Variants in RAD51AP1 observed in about 807,000 individuals in gnomAD.
RAD51AP1 encodes the protein RAD51 associated protein 1, also known as RAD51-associated protein 1.
In RAD51AP1, 14 loss-of-function variants were observed where a neutral mutation model predicts 34.3. The observed-to-expected ratio is 0.41, with a 90% CI of 0.27 to 0.64. RAD51AP1 has a LOEUF of 0.64. Ranked by LOEUF, RAD51AP1 falls within the 30% of genes least tolerant of loss-of-function variation. RAD51AP1 has a pLI of 0.33. For missense variants in RAD51AP1, 348 were observed against 386.9 expected, an observed-to-expected ratio of 0.90 and a Z score of 0.84; for synonymous variants, 114 against 129.8, an observed-to-expected ratio of 0.88 and a Z score of 0.83.
chr12:4,548,140 C>T lies in RAD51AP1; in HGVS notation c.368C>T (p.Pro123Leu). ...SSKIETMNKS[P>L]HISNCSVASD... ...AAAATAGAAACAATGAATAAGTCTCCTCATATCTCTAATTGCAGTGTAGCC... is the reference window on the plus strand; with the variant it reads ...AAAATAGAAACAATGAATAAGTCTCTTCATATCTCTAATTGCAGTGTAGCC... The change falls in exon 5 of 9, where the codon CCT (proline) becomes CTT (leucine). Residue 123 changes from proline (P) to leucine (L), a missense_variant. Transcript: ENST00000352618. 4 of 1,601,460 alleles carry T rather than the reference C, an allele frequency of 2.5e-6. No homozygotes were observed. Among genetic ancestry groups the T allele is most frequent in the Non-Finnish European group, 3.4e-6 (4 of 1,176,804 alleles).
intron 7 of RAD51AP1, among the ~76,000 whole-genome samples, chr12:4,555,773 A>G (rs959724958): frequency 1.3e-5 from 2 of 152,180 alleles, no homozygotes; most frequent in African/African-American, 4.8e-5. Context: ...TTTAAAACAC[A>G]TACCCCCAGA....
chr12:4,548,588 G>A (rs536476323), intron 5 of RAD51AP1, 99 bp from the exon 6 acceptor site: 14 of 1,385,974 alleles, frequency 1.0e-5, no homozygotes, highest in Non-Finnish European at 1.4e-5. Flanking sequence ...ATGAACCTGG[G>A]CAAATAAAAA....
intron 8 of RAD51AP1, among the ~76,000 whole-genome samples, chr12:4,557,589 A>G (rs1944591408): frequency 6.6e-6 from 1 of 152,242 alleles, no homozygotes; most frequent in Admixed American, 6.5e-5. Flanking sequence ...AAAAATAATT[A>G]ATGCTTCCCC....
rs1376625873 is a variant in RAD51AP1 at position 4,559,805 on chromosome 12, G to A, written c.*812G>A. On this transcript the variant is annotated 3_prime_UTR_variant, in exon 9 of 9. Transcript: ENST00000352618. ...TACTTAGTCATCCCTATTATGATAT[G>A]AGATAGTACAGCTTTTCAGGAAGCT... 5.9e-5 allele frequency: 9 copies of A among 152,142 alleles called. No homozygotes were observed. The highest frequency in any genetic ancestry group is 8.8e-5 in the Non-Finnish European group (6 of 68,016). 9.4% of individuals were successfully genotyped at this position (152,142 alleles called of 1,614,324 possible). A position where few individuals can be genotyped will look rare whatever the true frequency, so the allele number is the denominator to read the frequency against.
At chr12:4,539,444 A>T (rs71459907) in intron 1 of RAD51AP1, among the ~76,000 whole-genome samples, 1 of 152,066 alleles carries the variant, frequency 6.6e-6, no homozygotes, top group Non-Finnish European at 1.5e-5. Context: ...CGATTCTTCT[A>T]TTTACACAGT....
chr12:4,551,178 G>C (rs1489114000), intron 6 of RAD51AP1, among the ~76,000 whole-genome samples: 2 of 152,070 alleles, frequency 1.3e-5, no homozygotes, highest in East Asian at 1.9e-4. Flanking sequence ...CAAGCCTTGA[G>C]AGCAGAATTC....
At chr12:4,556,593 C>G in intron 8 of RAD51AP1, 91 bp downstream of exon 8, 1 of 1,423,824 alleles carries the variant, frequency 7.0e-7, no homozygotes, top group Non-Finnish European at 9.6e-7. Context: ...GTGAGCATTT[C>G]CCCATATTAT....
chr12:4,556,301 T>A, intron 7 of RAD51AP1, 52 bp from the exon 8 acceptor site: 4 of 1,360,132 alleles, frequency 2.9e-6, no homozygotes, highest in Non-Finnish European at 4.2e-6. Flanking sequence ...TATGCTAGAC[T>A]TACTTTTTCT....
chr12:4,554,832 T>C (rs890843780), intron 7 of RAD51AP1, among the ~76,000 whole-genome samples: 1 of 152,224 alleles, frequency 6.6e-6, no homozygotes, highest in Admixed American at 6.5e-5. Flanking sequence ...TGTTGAGAGC[T>C]ATGCTGTCCA....
intron 2 of RAD51AP1, among the ~76,000 whole-genome samples, chr12:4,543,038 G>T (rs1591770230): frequency 6.6e-6 from 1 of 152,068 alleles, no homozygotes; most frequent in African/African-American, 2.4e-5. Context: ...CATGGTTAAT[G>T]TACTAGGAAT....
In RAD51AP1 at chr12:4,559,576, A is replaced by G. The variant is rs913732495; in HGVS notation, c.*583A>G. On this transcript the variant is annotated 3_prime_UTR_variant, in exon 9 of 9. Transcript: ENST00000352618. ...AGAAAATAGTATTTAAAGACATTTT[A>G]TGAAATCTTCATTGTCAAAACCTTT... 2.6e-5 allele frequency: 4 copies of G among 152,230 alleles called. No individual in the cohort carries two copies. The highest frequency in any genetic ancestry group is 5.9e-5 in the Non-Finnish European group (4 of 68,042). 9.4% of individuals were successfully genotyped at this position (152,230 alleles called of 1,614,324 possible).
chr12:4,540,094 T>C (rs1002491619), intron 1 of RAD51AP1, among the ~76,000 whole-genome samples: 1 of 152,098 alleles, frequency 6.6e-6, no homozygotes, highest in African/African-American at 2.4e-5. Flanking sequence ...CAGAACTTGC[T>C]GATGAAGTAG....
intron 3 of RAD51AP1, among the ~76,000 whole-genome samples, chr12:4,545,616 C>G (rs1944500397): frequency 6.6e-6 from 1 of 152,204 alleles, no homozygotes; most frequent in Non-Finnish European, 1.5e-5. Context: ...TAAGGTACAT[C>G]TCAGTGCTTC....
rs1281319334 is a variant in RAD51AP1 at position 4,556,400 on chromosome 12, T to A, written c.769T>A (p.Ser257Thr). 6.2e-7 allele frequency: 1 copy of A among 1,613,634 alleles called. No individual in the cohort carries two copies. The highest frequency in any genetic ancestry group is 1.3e-5 in the African/African-American group (1 of 74,908). The change falls in exon 8 of 9, where the codon TCC becomes ACC. Residue 257 changes from serine (S) to threonine (T), a missense_variant. Transcript: ENST00000352618. ...APAAVKSESQ[S>T]LPKKVSLSSD... ...AGCTGCCGTCAAATCAGAATCTCAG[T>A]CCTTGCCAAAAAAGGTTTCTCTGTC...
chr12:4,539,159 C>G (rs1439967419), intron 1 of RAD51AP1, among the ~76,000 whole-genome samples: 1 of 152,178 alleles, frequency 6.6e-6, no homozygotes, highest in Non-Finnish European at 1.5e-5. Context: ...CTTTGCCTCC[C>G]TTCACAACCG....
At chr12:4,544,098 A>C (rs1349597943) in intron 3 of RAD51AP1, among the ~76,000 whole-genome samples, 194 bp downstream of exon 3, 1 of 152,210 alleles carries the variant, frequency 6.6e-6, no homozygotes, top group Non-Finnish European at 1.5e-5. Context: ...CATTCAAGGA[A>C]GTATCATTAA....
At chr12:4,545,420 G>T in intron 3 of RAD51AP1, 3 of 311,354 alleles carry the variant, frequency 9.6e-6, no homozygotes, top group South Asian at 8.7e-5. Flanking sequence ...TAAACAGGAA[G>T]TGAATGCTAA....
intron 2 of RAD51AP1, among the ~76,000 whole-genome samples, chr12:4,542,572 C>CTTT (rs34064065): frequency 1.4e-5 from 2 of 139,914 alleles, no homozygotes; most frequent in Admixed American, 7.2e-5. Flanking sequence ...TAACATCTAG[C>CTTT]TTTTTTTTTT....
chr12:4,556,314 C>T (rs756284954), intron 7 of RAD51AP1, 39 bp from the exon 8 acceptor site: 2 of 1,487,768 alleles, frequency 1.3e-6, no homozygotes, highest in South Asian at 2.3e-5. Flanking sequence ...CTTTTTCTTC[C>T]TGCATGACAA....
Sources: gnomAD v4.1 joint callset for allele counts (sites outside exome capture counted in the v4.1 genomes callset) on GRCh38, gnomAD v4.1.1 for gene constraint, MANE v1.5 for transcripts, NCBI Gene and HGNC (gene_info 2026-07-23, HGNC 2026-07-21) for gene names.